PREX1: variants seen among roughly 807,000 people sequenced by gnomAD.
PREX1 encodes the protein phosphatidylinositol-3,4,5-trisphosphate dependent Rac exchange factor 1.
A neutral mutation model predicts 198.3 loss-of-function variants in PREX1; 41 were observed. The observed-to-expected ratio is 0.21, with a 90% CI of 0.16 to 0.27. PREX1 has a LOEUF of 0.27. PREX1 is among the 10% of genes least tolerant of loss of function. The probability of loss-of-function intolerance (pLI) is 1.00; values close to 1 mark genes in which losing one functional copy is unlikely to be tolerated. For synonymous variants in PREX1, 843 were observed against 887.2 expected, an observed-to-expected ratio of 0.95 and a Z score of 0.89; for missense variants, 1,620 against 2,200.7, an observed-to-expected ratio of 0.74 and a Z score of 5.28.
chr20:48,639,990 G>A, intron 29 of PREX1, 96 bp from the exon 30 acceptor site: 1 of 1,462,500 alleles, frequency 6.8e-7, no homozygotes, highest in Middle Eastern at 1.8e-4. Context: ...AGATCCCAGA[G>A]CTCATAATCC....
At chr20:48,762,279 T>A (rs756624627) in intron 1 of PREX1, among the ~76,000 whole-genome samples, 1 of 152,194 alleles carries the variant, frequency 6.6e-6, no homozygotes, top group Non-Finnish European at 1.5e-5. Flanking sequence ...ATTTTTTTCC[T>A]GAAAAATGGG....
chr20:48,676,176 CCT>C lies in PREX1; in HGVS notation c.1665+15_1665+16del, dbSNP rs771278293. On this transcript the variant is annotated intron_variant, in intron 14 of 39. Transcript: ENST00000371941. Reference sequence around the variant, plus strand: ...CAAAGCAGAACACTGGTCACACACCCCTGAGGAGGCCCTCACCTGAGCCAGCA... The same window carrying C: ...CAAAGCAGAACACTGGTCACACACCCGAGGAGGCCCTCACCTGAGCCAGCA... 7 of 1,610,260 alleles carry C rather than the reference CCT, an allele frequency of 4.3e-6. No individual in the cohort carries two copies. The highest frequency in any genetic ancestry group is 2.2e-5 in the East Asian group (1 of 44,880).
intron 1 of PREX1, among the ~76,000 whole-genome samples, chr20:48,767,483 G>A (rs959973461): frequency 6.6e-6 from 1 of 152,136 alleles, no homozygotes; most frequent in Non-Finnish European, 1.5e-5. Flanking sequence ...GTCAGCGGGG[G>A]AGGGTACGTG....
At chr20:48,661,501 T>A (rs1293589201) in intron 15 of PREX1, among the ~76,000 whole-genome samples, 1 of 129,002 alleles carries the variant, frequency 7.8e-6, no homozygotes, top group East Asian at 2.1e-4. Context: ...ATATATAGTA[T>A]GTATATAACA....
Position 48,697,485 on chromosome 20 carries a change from A to G in PREX1, c.917+3268T>C, listed in dbSNP as rs1387632779. On this transcript the variant is annotated intron_variant, in intron 7 of 39. Transcript: ENST00000371941. ...AACCTCCGCCTCCTGGGTTCAAGTG[A>G]TTCTCCTGCCTCAGCCTCCCGAGTA... Among the ~76,000 whole-genome samples the G allele has an allele frequency of 5.3e-5, 8 of 150,584 alleles. No individual in the cohort carries two copies. The East Asian group carries it at 1.6e-3, about 30-fold the overall frequency.
In PREX1 at chr20:48,827,475, C is replaced by T. The variant is rs1414025259; in HGVS notation, c.219+167G>A. Among the ~76,000 whole-genome samples, 2 of 152,166 alleles carry T rather than the reference C, an allele frequency of 1.3e-5. No homozygotes were observed. The highest frequency in any genetic ancestry group is 4.8e-5 in the African/African-American group (2 of 41,456). ...GTGCGCCGGCCAGGGAGGGAGGCGA[C>T]GCGACAGCTCTGGAGGAGCTCGGAT... On this transcript the variant is annotated intron_variant, in intron 1 of 39. Coordinates refer to ENST00000371941, the MANE Select transcript of PREX1 (RefSeq NM_020820.4). The surrounding 1 kb of genome is among the most constrained non-coding windows in gnomAD (Gnocchi z 4.1).
chr20:48,749,749 C>A (rs150057579), intron 1 of PREX1, among the ~76,000 whole-genome samples: 371 of 152,288 alleles, frequency 2.4e-3, no homozygotes, highest in African/African-American at 8.6e-3. Flanking sequence ...GCCATCTCAG[C>A]CAGTCTTGGG....
In PREX1 at chr20:48,649,417, C is replaced by T; in HGVS notation, c.3188G>A (p.Gly1063Asp). The stretch of plus-strand genomic sequence containing the variant: ...CTCCTGCTTGAGTAGGAAGCTGAGG[C>T]CCCGGTCTTCCTGACCAAGGGTCCC... ...ASGTLGQEDRGLSFLLKQEDR... is the reference protein window; with the variant it reads ...ASGTLGQEDRDLSFLLKQEDR... The change falls in exon 25 of 40, where the codon GGC becomes GAC. Residue 1063 changes from glycine to aspartate, a missense_variant. Around this residue, in one of 7 missense-constraint regions of PREX1, gnomAD observed 514 missense variants for 611.6 expected, o/e 0.84. Coordinates refer to ENST00000371941, the MANE Select transcript of PREX1 (RefSeq NM_020820.4). 1 of 1,614,170 alleles carries T rather than the reference C, an allele frequency of 6.2e-7. No individual in the cohort carries two copies.
chr20:48,784,372 ATGT>A (rs1327453187), intron 1 of PREX1, among the ~76,000 whole-genome samples: 24 of 152,190 alleles, frequency 1.6e-4, no homozygotes, highest in Non-Finnish European at 8.8e-5. Flanking sequence ...AATTCATGCA[ATGT>A]TGTTATTACA....
the PREX1 span, among the ~76,000 whole-genome samples, chr20:48,885,264 TAA>T: frequency 2.0e-5 from 3 of 152,218 alleles, no homozygotes; most frequent in Non-Finnish European, 4.4e-5. Flanking sequence ...GTCCAGCACC[TAA>T]AAGAGTGTGT....
chr20:48,680,156 C>T (rs1042891308), intron 11 of PREX1, among the ~76,000 whole-genome samples: 2 of 152,206 alleles, frequency 1.3e-5, no homozygotes, highest in East Asian at 3.8e-4. Flanking sequence ...GACCACATTG[C>T]TGAGATTTAC....
At chr20:48,697,368 GTTC>G (rs141818256) in intron 7 of PREX1, among the ~76,000 whole-genome samples, 70,637 of 150,280 alleles carry the variant, frequency 0.47, 18,034 homozygotes, top group African/African-American at 0.68. Flanking sequence ...GAGCCTCTGT[GTTC>G]TTTTTTTCTT....
At chr20:48,717,763 C>T (rs1465661855) in intron 5 of PREX1, among the ~76,000 whole-genome samples, 1 of 152,184 alleles carries the variant, frequency 6.6e-6, no homozygotes, top group Non-Finnish European at 1.5e-5. Context: ...AAACTCCTTT[C>T]TTCTACTCAG....
chr20:48,666,141 G>T lies in PREX1; in HGVS notation c.1738+142C>A, dbSNP rs2122964576. On this transcript the variant is annotated intron_variant, in intron 15 of 39. Coordinates refer to ENST00000371941, the MANE Select transcript of PREX1 (RefSeq NM_020820.4). This position sits in a 1 kb window ranked among gnomAD's most constrained non-coding sequence, Gnocchi z 4.3. ...CGATCGGTTCAGAACGGGAAGGGGA[G>T]GGAGGTGGGATTCGTGAGCCTCCCC... is the stretch of plus-strand genomic sequence containing the variant. The T allele has an allele frequency of 4.0e-6, 3 of 756,676 alleles. No individual in the cohort carries two copies. The highest frequency in any genetic ancestry group is 5.5e-5 in the East Asian group (2 of 36,094). The allele number at this position is 756,676 out of a possible 1,614,324, so 46.9% of individuals were successfully genotyped here.
At chr20:48,844,676 C>G in the PREX1 span, among the ~76,000 whole-genome samples, 2 of 152,146 alleles carry the variant, frequency 1.3e-5, no homozygotes, top group African/African-American at 4.8e-5. Context: ...CTTGGACCCA[C>G]GAACGGAGAC....
rs191301254 is a variant in PREX1 at position 48,711,841 on chromosome 20, C to T, written c.622-3420G>A. Reference sequence around the variant, plus strand: ...ACACAAGGTTCTCATGGATGGGGCGCGAGCAGAAGTGCCGGGTGCAGTTTC... The same window carrying T: ...ACACAAGGTTCTCATGGATGGGGCGTGAGCAGAAGTGCCGGGTGCAGTTTC... On this transcript the variant is annotated intron_variant, in intron 5 of 39. Transcript: ENST00000371941. 3.9e-5 allele frequency among the ~76,000 whole-genome samples: 6 copies of T among 152,300 alleles called. No individual in the cohort carries two copies. The East Asian group carries it at 1.2e-3, about 29-fold the overall frequency.
chr20:48,818,876 C>T (rs1340693551), intron 1 of PREX1, among the ~76,000 whole-genome samples: 1 of 152,242 alleles, frequency 6.6e-6, no homozygotes, highest in African/African-American at 2.4e-5. Flanking sequence ...CATCCACATT[C>T]TGGCCACAGA....
Position 48,625,964 on chromosome 20 carries a change from G to A in PREX1, c.4938-37C>T, listed in dbSNP as rs1170951944. 3.3e-6 allele frequency: 5 copies of A among 1,511,936 alleles called. No individual in the cohort carries two copies. The South Asian group carries it at 6.3e-5, about 19-fold the overall frequency. The allele number at this position is 1,511,936 out of a possible 1,614,324, so 93.7% of individuals were successfully genotyped here. ...GGCAAAGAGAATGAGGAGAGGCCGG[G>A]GCGGGCCAGGACCTATTTGTATTAT... On this transcript the variant is annotated intron_variant, in intron 39 of 39. Transcript: ENST00000371941.
the PREX1 span, among the ~76,000 whole-genome samples, chr20:48,851,911 C>G: frequency 6.6e-6 from 1 of 152,176 alleles, no homozygotes; most frequent in African/African-American, 2.4e-5. Flanking sequence ...GGGGGAAGGA[C>G]AGCCAAGACC....
Sources: gnomAD v4.1 joint callset for allele counts (sites outside exome capture counted in the v4.1 genomes callset) on GRCh38, gnomAD v4.1.1 for gene constraint, gnomAD v4.1.1 regional missense constraint, Gnocchi (gnomAD v3.1) non-coding constraint, MANE v1.5 for transcripts, NCBI Gene and HGNC (gene_info 2026-07-23, HGNC 2026-07-21) for gene names.